Variants in AIG1 observed in about 807,000 individuals in gnomAD.
AIG1 encodes androgen induced 1.
In AIG1, 23 loss-of-function variants were observed where a neutral mutation model predicts 31.4. That is an observed-to-expected ratio of 0.73 (90% CI 0.53 to 1.04). AIG1 has a LOEUF of 1.04. AIG1 is among the 50% of genes least tolerant of loss of function. The probability of loss-of-function intolerance (pLI) is 0.00; values close to 1 mark genes in which losing one functional copy is unlikely to be tolerated. For missense variants in AIG1, 274 were observed against 295.0 expected (o/e 0.93, Z 0.52); for synonymous variants, 100 against 110.5 (o/e 0.90, Z 0.60).
chr6:143,248,900 T>C (rs1794792902), intron 3 of AIG1, among the ~76,000 whole-genome samples: 2 of 152,108 alleles, frequency 1.3e-5, no homozygotes, highest in African/African-American at 2.4e-5. Flanking sequence ...TTCAAAAAAA[T>C]TGAAACAAAA....
At chr6:143,219,750 C>T (rs188702940) in intron 3 of AIG1, among the ~76,000 whole-genome samples, 65 of 152,200 alleles carry the variant, frequency 4.3e-4, no homozygotes, top group African/African-American at 1.5e-3. Context: ...TTCTAAAATT[C>T]TCTACTCTCC....
At chr6:143,092,135 A>C (rs779458589) in intron 1 of AIG1, among the ~76,000 whole-genome samples, 13 of 152,096 alleles carry the variant, frequency 8.5e-5, no homozygotes, top group Non-Finnish European at 1.9e-4. Context: ...GATAGGATAT[A>C]TCTCTCTCAC....
intron 3 of AIG1, among the ~76,000 whole-genome samples, chr6:143,248,132 AAAT>A (rs1438202274): frequency 6.6e-6 from 1 of 152,172 alleles, no homozygotes; most frequent in Non-Finnish European, 1.5e-5. Context: ...TGAGCCTCGA[AAAT>A]AATATTATCC....
At chr6:143,305,417 A>G (rs1486920246) in intron 4 of AIG1, among the ~76,000 whole-genome samples, 1 of 151,884 alleles carries the variant, frequency 6.6e-6, no homozygotes, top group Admixed American at 6.6e-5. Context: ...AGATTCTGGT[A>G]TGTTGTGTCT....
At chr6:143,085,836 C>T (rs545488329) in intron 1 of AIG1, among the ~76,000 whole-genome samples, 2 of 152,304 alleles carry the variant, frequency 1.3e-5, no homozygotes, top group African/African-American at 4.8e-5. Flanking sequence ...GTCCTCCTGT[C>T]CTGAAGGGAG....
chr6:143,221,137 T>C (rs976903025), intron 3 of AIG1, among the ~76,000 whole-genome samples: 19 of 152,134 alleles, frequency 1.2e-4, no homozygotes, highest in Middle Eastern at 3.2e-3. Flanking sequence ...TAATTAATAG[T>C]GATATTCTTT....
chr6:143,278,464 CTTTTTTT>C (rs1008735692), intron 3 of AIG1, among the ~76,000 whole-genome samples: 1 of 135,918 alleles, frequency 7.4e-6, no homozygotes, highest in African/African-American at 2.7e-5. Context: ...TTTTTCTTTT[CTTTTTTT>C]TTTTTTTTTC....
At chr6:143,107,040 GAC>G (rs1029426518) in intron 1 of AIG1, among the ~76,000 whole-genome samples, 1 of 152,148 alleles carries the variant, frequency 6.6e-6, no homozygotes, top group African/African-American at 2.4e-5. Context: ...AAGTTAGAGA[GAC>G]ACACACATTC....
chr6:143,242,306 A>G lies in AIG1; in HGVS notation c.400-41804A>G, dbSNP rs114114840. Among the ~76,000 whole-genome samples the G allele has an allele frequency of 6.1e-3, 927 of 152,340 alleles. 9 individuals are homozygous for G. The highest frequency in any genetic ancestry group is 0.021 in the African/African-American group (884 of 41,574). On this transcript the variant is annotated intron_variant, in intron 3 of 5. Coordinates refer to ENST00000357847, the MANE Select transcript of AIG1 (RefSeq NM_016108.4). ...TGAGGAAAATAGAACCCAAGCCACT[A>G]TATTTCATGACCAAGCTCAAATTAG...
At chr6:143,107,140 A>G (rs1780876727) in intron 1 of AIG1, among the ~76,000 whole-genome samples, 1 of 152,234 alleles carries the variant, frequency 6.6e-6, no homozygotes, top group African/African-American at 2.4e-5. Context: ...AAGCCTAACA[A>G]CTTTCATAGT....
chr6:143,197,117 T>C (rs1159441355), intron 3 of AIG1, among the ~76,000 whole-genome samples: 1 of 152,050 alleles, frequency 6.6e-6, no homozygotes, highest in Non-Finnish European at 1.5e-5. Context: ...AAAAGACAAC[T>C]TGAAGCTAAT....
chr6:143,162,701 C>A (rs979639411), intron 2 of AIG1, among the ~76,000 whole-genome samples: 1 of 152,192 alleles, frequency 6.6e-6, no homozygotes, highest in Non-Finnish European at 1.5e-5. Context: ...AAATGTAAAC[C>A]TTTGGTCCTC....
intron 1 of AIG1, among the ~76,000 whole-genome samples, chr6:143,106,538 T>G (rs1780823045): frequency 6.6e-6 from 1 of 152,202 alleles, no homozygotes; most frequent in South Asian, 2.1e-4. Flanking sequence ...CATACAGCAG[T>G]CCTGGTACAC....
rs1252205399 is a variant in AIG1 at position 143,340,533 on chromosome 6, T to C, written c.*857T>C. ...TGGAGTACAGTGGCGTGATCTCAGC[T>C]CACGGCAAGCTCCGCTTCCCGGGTT... On this transcript the variant is annotated 3_prime_UTR_variant, in exon 6 of 6. Transcript: ENST00000357847. Among the ~76,000 whole-genome samples, 1 of 152,176 alleles carries C rather than the reference T, an allele frequency of 6.6e-6. No individual in the cohort carries two copies. The highest frequency in any genetic ancestry group is 1.5e-5 in the Non-Finnish European group (1 of 68,036).
At chr6:143,075,060 T>A (rs1340641028) in intron 1 of AIG1, among the ~76,000 whole-genome samples, 1 of 152,232 alleles carries the variant, frequency 6.6e-6, no homozygotes, top group Non-Finnish European at 1.5e-5. Context: ...AGATTTGGTA[T>A]CTTTCAAATA....
chr6:143,127,996 A>T (rs1782846903), intron 1 of AIG1, among the ~76,000 whole-genome samples: 2 of 152,264 alleles, frequency 1.3e-5, no homozygotes, highest in Admixed American at 1.3e-4. Flanking sequence ...CCATAATTAA[A>T]TTTAGTTGAG....
At chr6:143,183,144 G>C (rs369455226) in intron 3 of AIG1, among the ~76,000 whole-genome samples, 3 of 149,700 alleles carry the variant, frequency 2.0e-5, no homozygotes, top group African/African-American at 7.4e-5. Context: ...CATATTAATT[G>C]TTTTATCTGG....
chr6:143,110,824 G>A (rs540986744), intron 1 of AIG1, among the ~76,000 whole-genome samples: 30 of 152,274 alleles, frequency 2.0e-4, no homozygotes, highest in South Asian at 1.0e-3. Flanking sequence ...CAGACTTAAT[G>A]CATTGAGTAA....
intron 4 of AIG1, among the ~76,000 whole-genome samples, chr6:143,323,364 T>C (rs1167285170): frequency 1.3e-5 from 2 of 152,172 alleles, no homozygotes; most frequent in Admixed American, 1.3e-4. Flanking sequence ...CATGTATAGA[T>C]ACCTCCCAGA....
Sources: gnomAD v4.1 joint callset for allele counts (sites outside exome capture counted in the v4.1 genomes callset) on GRCh38, gnomAD v4.1.1 for gene constraint, MANE v1.5 for transcripts, NCBI Gene and HGNC (gene_info 2026-07-23, HGNC 2026-07-21) for gene names.